LUZP2: variants seen among roughly 807,000 people sequenced by gnomAD.
LUZP2 encodes the protein leucine zipper protein 2.
Under a neutral mutation model 51.6 loss-of-function variants are expected in LUZP2, and 52 were observed. The observed-to-expected ratio is 1.01, with a 90% confidence interval of 0.81 to 1.27. LUZP2 has a LOEUF of 1.27. Ranked by LOEUF, LUZP2 falls within the 50% of genes most tolerant of loss-of-function variation. The pLI is 0.00. For synonymous variants in LUZP2, 154 were observed against 137.3 expected, an observed-to-expected ratio of 1.12 and a Z score of -0.85; for missense variants, 436 against 395.4, an observed-to-expected ratio of 1.10 and a Z score of -0.87.
Position 24,865,762 on chromosome 11 carries a change from G to GTA in LUZP2, c.397-40221_397-40220dup, listed in dbSNP as rs557778505. ...TGTGTGTGTATATATATTTATATGTGTATATATATGCATGTATATGTGTGT... is the reference window on the plus strand; with the variant it reads ...TGTGTGTGTATATATATTTATATGTGTATATATATATGCATGTATATGTGTGT... On this transcript the variant is annotated intron_variant, in intron 5 of 11. Coordinates refer to ENST00000336930, the MANE Select transcript of LUZP2 (RefSeq NM_001009909.4). Among the ~76,000 whole-genome samples the GTA allele has an allele frequency of 4.5e-4, 60 of 132,350 alleles. No individual in the cohort carries two copies. The East Asian group carries it at 9.2e-3, about 20-fold the overall frequency. 86.8% of individuals were successfully genotyped at this position (132,350 alleles called of 152,430 possible).
At chr11:24,606,696 G>A (rs1484636502) in intron 1 of LUZP2, among the ~76,000 whole-genome samples, 2 of 151,974 alleles carry the variant, frequency 1.3e-5, no homozygotes, top group African/African-American at 4.8e-5. Context: ...TCATATAATA[G>A]TTGTATTTTA....
At chr11:24,971,659 A>G (rs1158301753) in intron 7 of LUZP2, among the ~76,000 whole-genome samples, 1 of 152,160 alleles carries the variant, frequency 6.6e-6, no homozygotes, top group Non-Finnish European at 1.5e-5. Flanking sequence ...AATTATAAAA[A>G]ATAATTATGG....
intron 1 of LUZP2, among the ~76,000 whole-genome samples, chr11:24,693,547 T>G (rs569862773): frequency 6.6e-6 from 1 of 152,042 alleles, no homozygotes; most frequent in East Asian, 1.9e-4. Flanking sequence ...AGTTTTATTT[T>G]CACACAAAGA....
At chr11:24,976,562 A>T in intron 7 of LUZP2, 29 bp from the exon 8 acceptor site, 1 of 1,510,378 alleles carries the variant, frequency 6.6e-7, no homozygotes, top group Non-Finnish European at 9.0e-7. Context: ...TGCAGAATTT[A>T]TCTAGAAGAT....
At chr11:24,564,228 C>T (rs1236792127) in intron 1 of LUZP2, among the ~76,000 whole-genome samples, 1 of 152,082 alleles carries the variant, frequency 6.6e-6, no homozygotes, top group African/African-American at 2.4e-5. Context: ...CCTGTAAAGG[C>T]TTTAAAATAC....
intron 5 of LUZP2, among the ~76,000 whole-genome samples, chr11:24,787,246 A>G (rs1849274943): frequency 6.6e-6 from 1 of 152,184 alleles, no homozygotes; most frequent in Non-Finnish European, 1.5e-5. Flanking sequence ...GTGTTGTGCC[A>G]TGACTCAAGC....
chr11:24,927,885 C>T (rs781262342), intron 7 of LUZP2, among the ~76,000 whole-genome samples: 3 of 151,990 alleles, frequency 2.0e-5, no homozygotes, highest in Non-Finnish European at 4.4e-5. Flanking sequence ...GATGTCTTTT[C>T]ATTTGTTTGT....
intron 1 of LUZP2, among the ~76,000 whole-genome samples, chr11:24,528,604 C>T (rs1055664051): frequency 1.6e-4 from 24 of 151,228 alleles, no homozygotes; most frequent in Non-Finnish European, 2.4e-4. Flanking sequence ...TGTCTGAGGA[C>T]ATGCTCACTC....
chr11:24,629,438 A>T (rs1025409878), intron 1 of LUZP2, among the ~76,000 whole-genome samples: 3 of 149,334 alleles, frequency 2.0e-5, no homozygotes, highest in Non-Finnish European at 4.4e-5. Context: ...ACAGTATTCC[A>T]TTGCATATAT....
intron 1 of LUZP2, among the ~76,000 whole-genome samples, chr11:24,632,269 G>A (rs747945920): frequency 2.4e-4 from 36 of 152,052 alleles, no homozygotes; most frequent in Non-Finnish European, 4.6e-4. Context: ...TGGGTATAAT[G>A]AGGGACATAA....
At chr11:24,792,517 G>GT (rs906276383) in intron 5 of LUZP2, among the ~76,000 whole-genome samples, 90 of 151,782 alleles carry the variant, frequency 5.9e-4, no homozygotes, top group Middle Eastern at 6.8e-3. Context: ...TGCTGTGTTG[G>GT]TTTTTTTTGC....
rs1018522534 is a variant in LUZP2, at chr11:25,081,585, T to A, written c.*2927T>A. On this transcript the variant is annotated 3_prime_UTR_variant, in exon 12 of 12. Coordinates refer to ENST00000336930, the MANE Select transcript of LUZP2 (RefSeq NM_001009909.4). Reference sequence around the variant, plus strand: ...TTGCTTCAAAATAGAATCGGATAAGTTTAAAATGTTCCTCTTACATTTGTG... The same window carrying A: ...TTGCTTCAAAATAGAATCGGATAAGATTAAAATGTTCCTCTTACATTTGTG... The A allele has an allele frequency of 2.6e-5, 4 of 152,172 alleles. No homozygotes were observed. Among genetic ancestry groups the A allele is most frequent in the Non-Finnish European group, 4.4e-5 (3 of 68,026 alleles). The allele number at this position is 152,172 out of a possible 1,614,324, so 9.4% of individuals were successfully genotyped here.
chr11:24,986,052 G>A (rs1192315254), intron 9 of LUZP2, among the ~76,000 whole-genome samples: 2 of 151,610 alleles, frequency 1.3e-5, no homozygotes, highest in African/African-American at 4.8e-5. Context: ...ACTCTCTAAT[G>A]TATATTTAAG....
intron 1 of LUZP2, among the ~76,000 whole-genome samples, chr11:24,561,166 C>T (rs1293442343): frequency 6.6e-6 from 1 of 152,150 alleles, no homozygotes; most frequent in Non-Finnish European, 1.5e-5. Context: ...GGATAGCACA[C>T]ATTCCCTGTC....
chr11:24,589,041 C>G (rs770967445), intron 1 of LUZP2, among the ~76,000 whole-genome samples: 43 of 152,068 alleles, frequency 2.8e-4, no homozygotes, highest in Admixed American at 1.8e-3. Flanking sequence ...GGTAATTTAT[C>G]CATCTCATTC....
At chr11:24,918,837 G>A (rs1473316766) in intron 7 of LUZP2, among the ~76,000 whole-genome samples, 1 of 76,358 alleles carries the variant, frequency 1.3e-5, no homozygotes, top group African/African-American at 7.2e-5. Context: ...ATCTCCATTG[G>A]AATACATCTA....
chr11:24,601,774 TAACC>T (rs1853644852), intron 1 of LUZP2, among the ~76,000 whole-genome samples: 1 of 150,612 alleles, frequency 6.6e-6, no homozygotes, highest in South Asian at 2.1e-4. Context: ...ATTTCTGACT[TAACC>T]AAGTATATTA....
chr11:24,518,907 A>C (rs535578874), intron 1 of LUZP2, among the ~76,000 whole-genome samples: 14 of 152,342 alleles, frequency 9.2e-5, no homozygotes, highest in Admixed American at 9.1e-4. Flanking sequence ...AAACTTGCTT[A>C]GTGCTGATTG....
chr11:24,734,757 A>G (rs1021229086), intron 3 of LUZP2, among the ~76,000 whole-genome samples: 9 of 151,986 alleles, frequency 5.9e-5, no homozygotes, highest in Non-Finnish European at 1.0e-4. Flanking sequence ...AAAGAGAAAA[A>G]ATATCACCTT....
Sources: gnomAD v4.1 joint callset for allele counts (sites outside exome capture counted in the v4.1 genomes callset) on GRCh38, gnomAD v4.1.1 for gene constraint, MANE v1.5 for transcripts, NCBI Gene and HGNC (gene_info 2026-07-23, HGNC 2026-07-21) for gene names.